NOL4: variants seen among roughly 807,000 people sequenced by gnomAD.
NOL4 encodes the protein cancer/testis antigen 125.
In NOL4, 17 loss-of-function variants were observed where a neutral mutation model predicts 75.9. That is an observed-to-expected ratio of 0.22 (90% CI 0.15 to 0.34). The LOEUF (loss-of-function observed/expected upper bound fraction) is 0.34. NOL4 is among the 10% of genes least tolerant of loss of function. The pLI, the probability that NOL4 is intolerant of heterozygous loss-of-function variation, is 1.00. For synonymous variants in NOL4, 292 were observed against 289.9 expected (o/e 1.01, Z -0.07); for missense variants, 614 against 793.5 (o/e 0.77, Z 2.72).
At chr18:33,857,523 T>A (rs997194311) in intron 10 of NOL4, among the ~76,000 whole-genome samples, 6 of 151,978 alleles carry the variant, frequency 3.9e-5, no homozygotes, top group Admixed American at 2.0e-4. Flanking sequence ...TCCAAAACCA[T>A]TGAGTGTTTA....
chr18:34,220,939 G>A (rs539180221), intron 1 of NOL4: 6 of 151,952 alleles, frequency 3.9e-5, no homozygotes, highest in Admixed American at 1.3e-4. Context: ...TAGCTATTCT[G>A]CATAAATTTT....
At chr18:34,032,031 G>A (rs931267726) in intron 5 of NOL4, among the ~76,000 whole-genome samples, 1 of 152,262 alleles carries the variant, frequency 6.6e-6, no homozygotes, top group Admixed American at 6.5e-5. Flanking sequence ...TAGTGGTGCT[G>A]CAGCTGAGGT....
chr18:34,140,147 T>A (rs2081079353), intron 1 of NOL4, among the ~76,000 whole-genome samples: 1 of 152,200 alleles, frequency 6.6e-6, no homozygotes, highest in Non-Finnish European at 1.5e-5. Flanking sequence ...GAGAAGAATG[T>A]ATATTCTGTT....
At chr18:33,898,766 T>C (rs1244675347) in intron 9 of NOL4, among the ~76,000 whole-genome samples, 1 of 152,198 alleles carries the variant, frequency 6.6e-6, no homozygotes, top group Non-Finnish European at 1.5e-5. Flanking sequence ...TGTTGATTGA[T>C]CTTTAAAAAC....
chr18:33,905,314 T>G (rs1159913634), intron 9 of NOL4, among the ~76,000 whole-genome samples: 1 of 152,074 alleles, frequency 6.6e-6, no homozygotes. Flanking sequence ...ACCAATTTGT[T>G]GCCAAGTGAA....
intron 2 of NOL4, 25 bp downstream of exon 2, chr18:34,129,846 C>CTTTTTTTTTTTTT: frequency 7.4e-7 from 1 of 1,350,512 alleles, no homozygotes; most frequent in Non-Finnish European, 1.0e-6. Flanking sequence ...AATGCATGCT[C>CTTTTTTTTTTTTT]TTTTTTTTTT....
intron 9 of NOL4, among the ~76,000 whole-genome samples, chr18:33,919,758 G>T (rs1340137565): frequency 3.3e-5 from 5 of 152,122 alleles, no homozygotes. Context: ...TGTGTACAGG[G>T]TATGCATATG....
chr18:33,947,151 G>C (rs936215917), intron 8 of NOL4, among the ~76,000 whole-genome samples: 22 of 151,736 alleles, frequency 1.4e-4, no homozygotes, highest in Admixed American at 1.1e-3. Context: ...CTAATATCGA[G>C]AGAGTGAGAA....
chr18:33,888,787 T>C (rs2064920919), intron 9 of NOL4, among the ~76,000 whole-genome samples: 1 of 152,158 alleles, frequency 6.6e-6, no homozygotes, highest in Non-Finnish European at 1.5e-5. Context: ...TATATCTGTT[T>C]TGGTACTAAT....
At chr18:34,104,808 T>C (rs988794008) in intron 3 of NOL4, among the ~76,000 whole-genome samples, 13 of 151,766 alleles carry the variant, frequency 8.6e-5, no homozygotes, top group African/African-American at 2.9e-4. Context: ...TAAATGAAAA[T>C]TAAAACATGA....
intron 6 of NOL4, among the ~76,000 whole-genome samples, chr18:33,978,392 T>C (rs1364744103): frequency 1.3e-5 from 2 of 152,096 alleles, no homozygotes; most frequent in Admixed American, 6.6e-5. Flanking sequence ...GAGTGTAGTA[T>C]TCCATTAGTC....
chr18:34,112,579 A>T (rs2079648596), intron 2 of NOL4, among the ~76,000 whole-genome samples: 1 of 152,300 alleles, frequency 6.6e-6, no homozygotes, highest in Non-Finnish European at 1.5e-5. Context: ...CCTGGAGATT[A>T]TTATGGTAAG....
intron 2 of NOL4, among the ~76,000 whole-genome samples, chr18:34,124,454 A>C (rs1477620614): frequency 6.6e-6 from 1 of 152,146 alleles, no homozygotes; most frequent in East Asian, 1.9e-4. Context: ...AACATTTTTA[A>C]ATATTTTGAA....
At position 34,203,685 on chromosome 18, in the gene NOL4, C is replaced by CCTCTCTCTCT. The variant is rs1226376797; in HGVS notation, c.264+19295_264+19304dup. Among the ~76,000 whole-genome samples the CCTCTCTCTCT allele has an allele frequency of 1.9e-3, 193 of 100,718 alleles. 3 individuals are homozygous for CCTCTCTCTCT. The highest frequency in any genetic ancestry group is 7.0e-3 in the African/African-American group (182 of 25,864). The allele number at this position is 100,718 out of a possible 152,430, so 66.1% of individuals were successfully genotyped here. On this transcript the variant is annotated intron_variant, in intron 1 of 10. Transcript: ENST00000261592. ...CCCCTGATCTCTTTCTCTCTCTCTCCCTCTCTCTCTCTCTCTCTCTCTCTC... is the reference window on the plus strand; with the variant it reads ...CCCCTGATCTCTTTCTCTCTCTCTCCCTCTCTCTCTCTCTCTCTCTCTCTCTCTCTCTCTC...
intron 6 of NOL4, among the ~76,000 whole-genome samples, chr18:33,985,086 T>C (rs1347497619): frequency 6.6e-6 from 1 of 152,098 alleles, no homozygotes; most frequent in African/African-American, 2.4e-5. Flanking sequence ...AATGAGATAG[T>C]GTTTCAGAAC....
chr18:33,991,220 T>A (rs1169566857), intron 6 of NOL4, among the ~76,000 whole-genome samples: 1 of 152,046 alleles, frequency 6.6e-6, no homozygotes, highest in Admixed American at 6.6e-5. Context: ...TCAGTCTGAC[T>A]CTACCACCCA....
chr18:33,858,699 T>C (rs2062948538), intron 10 of NOL4, among the ~76,000 whole-genome samples: 1 of 152,052 alleles, frequency 6.6e-6, no homozygotes, highest in Admixed American at 6.6e-5. Flanking sequence ...GAGTACTTTC[T>C]CCTCTTTTAT....
At chr18:34,140,065 C>A (rs1327846928) in intron 1 of NOL4, among the ~76,000 whole-genome samples, 19 of 152,106 alleles carry the variant, frequency 1.2e-4, no homozygotes, top group East Asian at 1.9e-4. Context: ...AATTTCTGTT[C>A]TTTTACATTT....
At chr18:34,192,913 G>A (rs541489478) in intron 1 of NOL4, among the ~76,000 whole-genome samples, 12 of 152,178 alleles carry the variant, frequency 7.9e-5, no homozygotes, top group African/African-American at 2.2e-4. Flanking sequence ...TTTTTCATGC[G>A]CTCTTGCACT....
Sources: gnomAD v4.1 joint callset for allele counts (sites outside exome capture counted in the v4.1 genomes callset) on GRCh38, gnomAD v4.1.1 for gene constraint, MANE v1.5 for transcripts, NCBI Gene and HGNC (gene_info 2026-07-23, HGNC 2026-07-21) for gene names.